The following ATF7IP2 variants were observed in gnomAD, a reference collection of about 807,000 sequenced individuals.
The protein encoded by ATF7IP2 is activating transcription factor 7 interacting protein 2.
Under a neutral mutation model 64.2 loss-of-function variants are expected in ATF7IP2, and 42 were observed. The observed-to-expected ratio is 0.65, with a 90% CI of 0.51 to 0.85. The LOEUF (loss-of-function observed/expected upper bound fraction) is 0.85. Among genes scored for constraint, ATF7IP2 ranks in the 40% least tolerant of loss-of-function variants. The pLI is 0.00. For missense variants in ATF7IP2, 933 were observed against 784.2 expected, an observed-to-expected ratio of 1.19 and a Z score of -2.27; for synonymous variants, 308 against 272.8, an observed-to-expected ratio of 1.13 and a Z score of -1.27.
Position 10,438,085 on chromosome 16 carries a change from T to C in ATF7IP2, c.961-16T>C, listed in dbSNP as rs758674941. On this transcript the variant is annotated splice_polypyrimidine_tract_variant and intron_variant, in intron 6 of 13. Transcript: ENST00000562102. ...TTGAAACGTAGGGTGTTTTGGTTTT[T>C]ATTTTAAAATTCTAGGTCAGACATT... 38 of 1,521,730 alleles carry C rather than the reference T, an allele frequency of 2.5e-5. No homozygotes were observed. Among genetic ancestry groups the C allele is most frequent in the Non-Finnish European group, 3.1e-5 (35 of 1,140,046 alleles). 94.3% of individuals were successfully genotyped at this position (1,521,730 alleles called of 1,614,324 possible).
chr16:10,428,288 T>C (rs561265394), intron 3 of ATF7IP2, among the ~76,000 whole-genome samples: 1 of 152,350 alleles, frequency 6.6e-6, no homozygotes, highest in South Asian at 2.1e-4. Context: ...TACAAGTCTT[T>C]TGTATGCATC....
intron 8 of ATF7IP2, among the ~76,000 whole-genome samples, chr16:10,450,349 AGTTCTAGT>A (rs1187765522): frequency 6.6e-6 from 1 of 152,164 alleles, no homozygotes; most frequent in Non-Finnish European, 1.5e-5. Flanking sequence ...TCCAGAGTTG[AGTTCTAGT>A]CCTGAGTATC....
chr16:10,435,887 TGAGGAACACTGTTA>T (rs1372992423), intron 6 of ATF7IP2, among the ~76,000 whole-genome samples: 1 of 152,140 alleles, frequency 6.6e-6, no homozygotes, highest in Non-Finnish European at 1.5e-5. Context: ...TCACCAAGGA[TGAGGAACACTGTTA>T]GAGAAACACT....
At chr16:10,480,311 T>C (rs1204133157) in intron 12 of ATF7IP2, among the ~76,000 whole-genome samples, 1 of 152,010 alleles carries the variant, frequency 6.6e-6, no homozygotes, top group Non-Finnish European at 1.5e-5. Context: ...TTTTGCCTAC[T>C]TGTACCTTCT....
At chr16:10,416,092 G>T (rs11865713) in intron 2 of ATF7IP2, among the ~76,000 whole-genome samples, 10 of 152,238 alleles carry the variant, frequency 6.6e-5, no homozygotes, top group Admixed American at 5.9e-4. Context: ...AGCGATCCAG[G>T]TGCTGAATAT....
intron 8 of ATF7IP2, among the ~76,000 whole-genome samples, chr16:10,456,098 G>T (rs2049156873): frequency 6.6e-6 from 1 of 151,996 alleles, no homozygotes; most frequent in African/African-American, 2.4e-5. Flanking sequence ...TCGTGCCTTA[G>T]CCTCCTGAGT....
chr16:10,411,917 TTCCTCAGC>T (rs2047769264), intron 1 of ATF7IP2, among the ~76,000 whole-genome samples: 1 of 149,712 alleles, frequency 6.7e-6, no homozygotes, highest in African/African-American at 2.4e-5. Context: ...TTTTTTTTTT[TTCCTCAGC>T]TTTTCTTGGT....
Position 10,474,411 on chromosome 16 carries a change from T to A in ATF7IP2, c.1549+422T>A, listed in dbSNP as rs555856795. 2.0e-5 allele frequency among the ~76,000 whole-genome samples: 3 copies of A among 152,320 alleles called. No homozygotes were observed. In the South Asian group the frequency reaches 6.2e-4, roughly 32 times the overall value. ...CATAATTTCTTTATTCATAAACCCA[T>A]TGAAAGACATCTGGCTTGTTGGGGA... is the stretch of plus-strand genomic sequence containing the variant. On this transcript the variant is annotated intron_variant, in intron 12 of 13. Transcript: ENST00000562102.
chr16:10,451,354 G>T (rs1383757285), intron 8 of ATF7IP2, among the ~76,000 whole-genome samples: 1 of 152,122 alleles, frequency 6.6e-6, no homozygotes, highest in Non-Finnish European at 1.5e-5. Flanking sequence ...GAATTTGAAT[G>T]TTGGCCTGTC....
intron 1 of ATF7IP2, among the ~76,000 whole-genome samples, chr16:10,392,564 C>A (rs1422880462): frequency 6.6e-6 from 1 of 152,078 alleles, no homozygotes; most frequent in African/African-American, 2.4e-5. Flanking sequence ...TAACACCATT[C>A]ACACAGAAAT....
intron 12 of ATF7IP2, among the ~76,000 whole-genome samples, chr16:10,479,595 T>G (rs2050141163): frequency 6.6e-6 from 1 of 151,672 alleles, no homozygotes; most frequent in South Asian, 2.1e-4. Context: ...GGCACATGTA[T>G]ACATATGTAA....
chr16:10,435,096 A>G (rs1028609167), intron 6 of ATF7IP2, among the ~76,000 whole-genome samples: 1 of 152,150 alleles, frequency 6.6e-6, no homozygotes, highest in Non-Finnish European at 1.5e-5. Context: ...GTACATAACC[A>G]TCTCTAAATA....
intron 8 of ATF7IP2, chr16:10,447,268 T>A (rs1440354596): frequency 6.6e-6 from 1 of 152,274 alleles, no homozygotes; most frequent in African/African-American, 2.4e-5. Flanking sequence ...GTATTTGTAG[T>A]CCTTGTCTTC....
chr16:10,468,929 A>G (rs543669654), intron 9 of ATF7IP2, among the ~76,000 whole-genome samples: 1 of 152,324 alleles, frequency 6.6e-6, no homozygotes, highest in African/African-American at 2.4e-5. Flanking sequence ...GTGGGGCTCA[A>G]TTAGTCCCAG....
intron 1 of ATF7IP2, among the ~76,000 whole-genome samples, chr16:10,407,789 C>T (rs1440522430): frequency 6.6e-6 from 1 of 152,178 alleles, no homozygotes; most frequent in African/African-American, 2.4e-5. Flanking sequence ...TCCCTCATCA[C>T]CCTTTCCCCT....
intron 1 of ATF7IP2, among the ~76,000 whole-genome samples, chr16:10,388,470 ATACCTCT>A (rs2047250692): frequency 6.6e-6 from 1 of 152,204 alleles, no homozygotes; most frequent in Non-Finnish European, 1.5e-5. Flanking sequence ...TTTCATTAGT[ATACCTCT>A]GAGGCTCTAG....
chr16:10,477,712 C>G (rs2050063644), intron 12 of ATF7IP2, among the ~76,000 whole-genome samples: 1 of 151,798 alleles, frequency 6.6e-6, no homozygotes, highest in Non-Finnish European at 1.5e-5. Context: ...TCAAATTGTC[C>G]CTGTTTGCAG....
At chr16:10,462,865 A>G (rs950210610) in intron 9 of ATF7IP2, among the ~76,000 whole-genome samples, 1 of 152,096 alleles carries the variant, frequency 6.6e-6, no homozygotes, top group African/African-American at 2.4e-5. Context: ...GTTTTGCTCT[A>G]GATACTTTTG....
intron 12 of ATF7IP2, among the ~76,000 whole-genome samples, chr16:10,478,468 T>A (rs1317408756): frequency 6.6e-6 from 1 of 152,210 alleles, no homozygotes; most frequent in African/African-American, 2.4e-5. Flanking sequence ...AAGCTGAAAC[T>A]GGATCCCTTC....
Sources: gnomAD v4.1 joint callset for allele counts (sites outside exome capture counted in the v4.1 genomes callset) on GRCh38, gnomAD v4.1.1 for gene constraint, MANE v1.5 for transcripts, NCBI Gene and HGNC (gene_info 2026-07-23, HGNC 2026-07-21) for gene names.